Variants in DPH6 observed in about 807,000 individuals in gnomAD.
The protein encoded by DPH6 is diphthine--ammonia ligase.
A neutral mutation model predicts 38.2 loss-of-function variants in DPH6; 33 were observed. That is an observed-to-expected ratio of 0.86 (90% CI 0.65 to 1.15). The LOEUF is 1.15. Among genes scored for constraint, DPH6 ranks in the 50% most tolerant of loss-of-function variants. The probability of loss-of-function intolerance (pLI) is 0.00; values close to 1 mark genes in which losing one functional copy is unlikely to be tolerated. For synonymous variants in DPH6, 108 were observed against 103.0 expected (o/e 1.05, Z -0.30); for missense variants, 325 against 320.0 (o/e 1.02, Z -0.12).
intron 3 of DPH6, among the ~76,000 whole-genome samples, chr15:35,471,616 T>C (rs1476426239): frequency 6.6e-6 from 1 of 152,234 alleles, no homozygotes; most frequent in East Asian, 1.9e-4. Context: ...ACTTTGTTCT[T>C]ACTCTTCGTT....
chr15:35,266,314 T>C (rs1220127933), intron 3 of DPH6, among the ~76,000 whole-genome samples: 2 of 152,158 alleles, frequency 1.3e-5, no homozygotes, highest in Non-Finnish European at 2.9e-5. Flanking sequence ...ATATATGGTA[T>C]ATATAAACAG....
At chr15:35,263,700 G>A (rs2051764002) in intron 3 of DPH6, among the ~76,000 whole-genome samples, 1 of 151,570 alleles carries the variant, frequency 6.6e-6, no homozygotes, top group Non-Finnish European at 1.5e-5. Context: ...ATTTTGCCTG[G>A]CCTCACAGTT....
the DPH6 span, among the ~76,000 whole-genome samples, chr15:35,189,942 G>T: frequency 6.6e-6 from 1 of 152,194 alleles, no homozygotes; most frequent in Non-Finnish European, 1.5e-5. Flanking sequence ...AAACCCAAGA[G>T]ACAGACAACA....
intron 3 of DPH6, among the ~76,000 whole-genome samples, chr15:35,223,837 C>CTAA: frequency 6.6e-6 from 1 of 151,956 alleles, no homozygotes. Flanking sequence ...TGAGTTTTAA[C>CTAA]TAATGCATAA....
intron 2 of DPH6, among the ~76,000 whole-genome samples, chr15:35,538,894 C>A (rs912695057): frequency 2.6e-5 from 4 of 151,800 alleles, no homozygotes; most frequent in African/African-American, 9.7e-5. Context: ...AAAGATCTAC[C>A]TAGTTAATAA....
chr15:35,332,132 T>A (rs1169090981), intron 3 of DPH6, among the ~76,000 whole-genome samples: 2 of 152,194 alleles, frequency 1.3e-5, no homozygotes, highest in Non-Finnish European at 2.9e-5. Flanking sequence ...AGACTCTTCA[T>A]AAACATAAAG....
At chr15:35,518,216 G>A (rs1001933414) in intron 3 of DPH6, among the ~76,000 whole-genome samples, 7 of 151,966 alleles carry the variant, frequency 4.6e-5, no homozygotes, top group Non-Finnish European at 1.0e-4. Flanking sequence ...GTACACACAC[G>A]TACATAAACT....
chr15:35,264,525 AAAAAC>A (rs2051771073), intron 3 of DPH6, among the ~76,000 whole-genome samples: 1 of 100,160 alleles, frequency 1.0e-5, no homozygotes, highest in African/African-American at 2.7e-5. Context: ...GCACTCTTTG[AAAAAC>A]AAAAGGCTTA....
At chr15:35,375,945 C>T (rs954496746) in intron 7 of DPH6, among the ~76,000 whole-genome samples, 8 of 152,118 alleles carry the variant, frequency 5.3e-5, no homozygotes, top group Non-Finnish European at 7.4e-5. Context: ...CTCAAACATA[C>T]GGTTTCTGTA....
chr15:35,224,100 G>GTTTTTTTTTTT (rs142813866), intron 3 of DPH6, among the ~76,000 whole-genome samples: 6 of 88,906 alleles, frequency 6.7e-5, no homozygotes, highest in Non-Finnish European at 8.7e-5. Flanking sequence ...CATGATTTTA[G>GTTTTTTTTTTT]TTTTTTTTTT....
At chr15:35,531,567 A>G (rs2055087873) in intron 3 of DPH6, among the ~76,000 whole-genome samples, 1 of 152,082 alleles carries the variant, frequency 6.6e-6, no homozygotes, top group East Asian at 1.9e-4. Flanking sequence ...TCTGCCTCCC[A>G]AGTTCAAACA....
chr15:35,352,293 A>G (rs1388968809), intron 3 of DPH6, among the ~76,000 whole-genome samples: 1 of 151,618 alleles, frequency 6.6e-6, no homozygotes. Context: ...AATTTTTTTT[A>G]TTATACTTTA....
At position 35,546,127 on chromosome 15, in the gene DPH6, A is replaced by C; in HGVS notation, c.15T>G (p.Ala5=). The C allele has an allele frequency of 7.1e-7, 1 of 1,406,702 alleles. No homozygotes were observed. 87.1% of individuals were successfully genotyped at this position (1,406,702 alleles called of 1,614,324 possible). ...CTCCAGGACCGCATTACCTGATCAGAGCCGCGACCCTCATGCTGGGCGCAG... is the reference window on the plus strand; with the variant it reads ...CTCCAGGACCGCATTACCTGATCAGCGCCGCGACCCTCATGCTGGGCGCAG... The part of the protein sequence containing the change: MRVA[A]LISGGKDSCY... Residue 5 remains alanine (A), a synonymous_variant, in exon 1 of 9, where the codon GCT becomes GCG. Transcript: ENST00000256538.
intron 3 of DPH6, chr15:35,237,800 G>A: frequency 6.3e-7 from 1 of 1,591,452 alleles, no homozygotes; most frequent in East Asian, 2.2e-5. Flanking sequence ...CCCTAACTTG[G>A]ATGCTGAGGG....
At chr15:35,324,111 T>C (rs2052263062) in intron 3 of DPH6, among the ~76,000 whole-genome samples, 1 of 152,098 alleles carries the variant, frequency 6.6e-6, no homozygotes, top group Non-Finnish European at 1.5e-5. Context: ...ATCTGCAAAA[T>C]GGGGATAATA....
chr15:35,160,818 T>C, the DPH6 span, among the ~76,000 whole-genome samples: 4 of 151,926 alleles, frequency 2.6e-5, no homozygotes, highest in Non-Finnish European at 4.4e-5. Context: ...TCTCTCCCTC[T>C]CTCTCTCTTA....
At chr15:35,221,530 T>C (rs181207890) in intron 3 of DPH6, among the ~76,000 whole-genome samples, 1 of 152,186 alleles carries the variant, frequency 6.6e-6, no homozygotes, top group African/African-American at 2.4e-5. Context: ...GTTATCACCA[T>C]GTGGACCATT....
At chr15:35,272,712 C>A (rs1022214122) in intron 3 of DPH6, among the ~76,000 whole-genome samples, 9 of 152,020 alleles carry the variant, frequency 5.9e-5, no homozygotes, top group African/African-American at 2.2e-4. Context: ...AGTTCAAGAC[C>A]AGCCTGGCCA....
At chr15:35,388,325 A>T (rs2053001646) in intron 6 of DPH6, among the ~76,000 whole-genome samples, 1 of 152,178 alleles carries the variant, frequency 6.6e-6, no homozygotes, top group Admixed American at 6.5e-5. Context: ...TGTCTCTGCC[A>T]GGCTTTGGTA....
Sources: gnomAD v4.1 joint callset for allele counts (sites outside exome capture counted in the v4.1 genomes callset) on GRCh38, gnomAD v4.1.1 for gene constraint, MANE v1.5 for transcripts, NCBI Gene and HGNC (gene_info 2026-07-23, HGNC 2026-07-21) for gene names.